SPATA31C1: variants seen among roughly 807,000 people sequenced by gnomAD.
SPATA31C1 encodes SPATA31 subfamily C member 1.
At chr9:87,923,108 G>C (rs1430869756) in exon 5 of SPATA31C1, 5 of 1,603,380 alleles carry the variant, frequency 3.1e-6, no homozygotes, top group Non-Finnish European at 4.3e-6. Context: ...CAGTTGGACA[G>C]ATACCGGAGG....
At chr9:87,916,951 C>T (rs1244125843) in intron 1 of SPATA31C1, among the ~76,000 whole-genome samples, 4 of 66,946 alleles carry the variant, frequency 6.0e-5, no homozygotes, top group African/African-American at 1.9e-4. Context: ...GAGCCAAGAG[C>T]GTGCCACTGC....
At chr9:87,915,624 C>G (rs1413649995) in intron 1 of SPATA31C1, among the ~76,000 whole-genome samples, 9 of 144,696 alleles carry the variant, frequency 6.2e-5, no homozygotes, top group Non-Finnish European at 1.2e-4. Context: ...TTAATAAAGA[C>G]ATGAGGTTAG....
Position 87,921,749 on chromosome 9 carries a change from C to T in SPATA31C1, n.2139C>T, listed in dbSNP as rs758404547. On this transcript the variant is annotated non_coding_transcript_exon_variant, in exon 5 of 5. Transcript: ENST00000420021. ...GGCTTGCTGTCAACCAGGCTTTTCC[C>T]GTATCCAACACCCACGTGAAAACCA... The T allele has an allele frequency of 4.9e-5, 79 of 1,611,936 alleles. 1 individual carries two copies. The South Asian group carries it at 5.5e-4, about 11-fold the overall frequency.
chr9:87,920,797 A>G (rs1463901241), exon 5 of SPATA31C1: 3 of 1,613,920 alleles, frequency 1.9e-6, no homozygotes, highest in Non-Finnish European at 2.5e-6. Flanking sequence ...TGGTCGCAGG[A>G]GACTACCAAA....
exon 5 of SPATA31C1, chr9:87,920,713 G>T (rs759896142): frequency 3.1e-6 from 5 of 1,613,820 alleles, no homozygotes; most frequent in Admixed American, 1.7e-5. Context: ...TTGTCTCCAC[G>T]TGAGGATTTG....
intron 1 of SPATA31C1, among the ~76,000 whole-genome samples, chr9:87,916,906 A>G (rs1828739131): frequency 3.2e-5 from 2 of 61,990 alleles, no homozygotes; most frequent in Admixed American, 1.7e-4. Context: ...CTGAGGCAGG[A>G]GAATGGCATG....
At position 87,923,117 on chromosome 9, in the gene SPATA31C1, G is replaced by A. The variant is rs766826579; in HGVS notation, n.3507G>A. ...TGACAGCAGTTGGACAGATACCGGA[G>A]GAGAACATGTCACTTTGCCATGCGC... On this transcript the variant is annotated non_coding_transcript_exon_variant, in exon 5 of 5. Coordinates refer to ENST00000420021, the Ensembl canonical transcript of SPATA31C1. 1.1e-5 allele frequency: 18 copies of A among 1,603,390 alleles called. No individual in the cohort carries two copies. In the Admixed American group the frequency reaches 2.3e-4, roughly 21 times the overall value.
exon 5 of SPATA31C1, chr9:87,923,309 C>G: frequency 3.1e-6 from 5 of 1,602,744 alleles, no homozygotes; most frequent in Non-Finnish European, 4.3e-6. Flanking sequence ...CCAACAGAGA[C>G]AGACAAATCA....
chr9:87,915,910 A>G (rs1828704742), intron 1 of SPATA31C1, among the ~76,000 whole-genome samples: 1 of 144,140 alleles, frequency 6.9e-6, no homozygotes, highest in South Asian at 2.3e-4. Flanking sequence ...TTATAGAAAA[A>G]ACTATTCGTG....
chr9:87,921,394 AG>A, exon 5 of SPATA31C1: 1 of 1,611,834 alleles, frequency 6.2e-7, no homozygotes, highest in East Asian at 2.2e-5. Flanking sequence ...AGGCCCTGGC[AG>A]TCCTCCACGT....
At chr9:87,923,116 A>T in exon 5 of SPATA31C1, 1 of 1,603,528 alleles carries the variant, frequency 6.2e-7, no homozygotes. Flanking sequence ...CAGATACCGG[A>T]GGAGAACATG....
At chr9:87,923,099 A>G (rs1207093429) in exon 5 of SPATA31C1, 5 of 1,603,036 alleles carry the variant, frequency 3.1e-6, no homozygotes, top group Non-Finnish European at 4.3e-6. Context: ...TCATGACAGC[A>G]GTTGGACAGA....
exon 5 of SPATA31C1, chr9:87,921,901 G>A (rs755595810): frequency 1.2e-6 from 2 of 1,612,028 alleles, no homozygotes; most frequent in East Asian, 2.2e-5. Flanking sequence ...AAACACAGGT[G>A]GGGTCTACCC....
intron 2 of SPATA31C1, chr9:87,918,921 C>A: frequency 2.8e-6 from 1 of 356,080 alleles, no homozygotes; most frequent in Non-Finnish European, 5.5e-6. Context: ...TACAGGCGCC[C>A]GCCACCACGC....
exon 5 of SPATA31C1, chr9:87,921,708 AGT>A: frequency 1.2e-6 from 2 of 1,612,064 alleles, no homozygotes; most frequent in Non-Finnish European, 1.7e-6. Context: ...GATCCCCGTG[AGT>A]GTGCGTCGAT....
exon 5 of SPATA31C1, chr9:87,921,145 A>G (rs1447022712): frequency 1.2e-6 from 2 of 1,611,816 alleles, no homozygotes; most frequent in South Asian, 2.2e-5. Flanking sequence ...AAACAACTAG[A>G]AGGTGGGTTG....
rs1239423412 is a variant in SPATA31C1 at position 87,922,087 on chromosome 9, C to T, written n.2477C>T. ...GCAAGTCTGAGAAAGCAAGTGCTGACCAAACCATCTGTTCACATGCCAGAG... is the reference window on the plus strand; with the variant it reads ...GCAAGTCTGAGAAAGCAAGTGCTGATCAAACCATCTGTTCACATGCCAGAG... On this transcript the variant is annotated non_coding_transcript_exon_variant, in exon 5 of 5. Coordinates refer to ENST00000420021, the Ensembl canonical transcript of SPATA31C1. 17 of 1,613,876 alleles carry T rather than the reference C, an allele frequency of 1.1e-5. No individual in the cohort carries two copies. The Admixed American group carries it at 2.8e-4, about 27-fold the overall frequency.
exon 4 of SPATA31C1, chr9:87,919,967 A>G (rs1400205324): frequency 6.2e-7 from 1 of 1,607,994 alleles, no homozygotes; most frequent in African/African-American, 1.3e-5. Context: ...CTGCTTTCAC[A>G]ACTGCAGAGG....
intron 2 of SPATA31C1, chr9:87,918,983 T>G (rs1473557711): frequency 2.4e-6 from 1 of 411,160 alleles, no homozygotes; most frequent in Non-Finnish European, 4.8e-6. Context: ...ATGGCCAGGC[T>G]GGTCTCAAAC....
Sources: gnomAD v4.1 joint callset for allele counts (sites outside exome capture counted in the v4.1 genomes callset) on GRCh38, gnomAD v4.1.1 for gene constraint, MANE v1.5 for transcripts, NCBI Gene and HGNC (gene_info 2026-07-23, HGNC 2026-07-21) for gene names.